STPG2: variants seen among roughly 807,000 people sequenced by gnomAD.
The protein encoded by STPG2 is sperm tail PG-rich repeat containing 2, also known as sperm-tail PG-rich repeat-containing protein 2.
In STPG2, 56 loss-of-function variants were observed where a neutral mutation model predicts 54.2. That is an observed-to-expected ratio of 1.03 (90% CI 0.83 to 1.29). The LOEUF (loss-of-function observed/expected upper bound fraction) is 1.29. Among genes scored for constraint, STPG2 ranks in the 50% most tolerant of loss-of-function variants. STPG2 has a pLI of 0.00. For synonymous variants in STPG2, 200 were observed against 181.8 expected (o/e 1.10, Z -0.81); for missense variants, 596 against 544.9 (o/e 1.09, Z -0.93).
chr4:97,464,870 C>T (rs559117611), intron 4 of STPG2, among the ~76,000 whole-genome samples: 1 of 152,266 alleles, frequency 6.6e-6, no homozygotes, highest in East Asian at 1.9e-4. Context: ...AATTATAGTA[C>T]TCAACACATA....
chr4:97,662,470 T>TAA (rs978151759), intron 10 of STPG2, among the ~76,000 whole-genome samples: 14 of 152,058 alleles, frequency 9.2e-5, no homozygotes, highest in African/African-American at 3.4e-4. Context: ...TCAAAGAAAT[T>TAA]AAAAGAGAAT....
intron 5 of STPG2, among the ~76,000 whole-genome samples, chr4:98,001,184 G>T (rs1735404443): frequency 6.6e-6 from 1 of 152,012 alleles, no homozygotes; most frequent in African/African-American, 2.4e-5. Flanking sequence ...AAGTAAATAT[G>T]AGTAAATGTG....
At chr4:97,607,081 T>C (rs1245190297) in intron 10 of STPG2, among the ~76,000 whole-genome samples, 1 of 152,028 alleles carries the variant, frequency 6.6e-6, no homozygotes, top group Non-Finnish European at 1.5e-5. Context: ...ATAAATAACT[T>C]CATTGAGATT....
At chr4:97,699,819 C>T (rs188424860) in intron 10 of STPG2, among the ~76,000 whole-genome samples, 378 of 152,256 alleles carry the variant, frequency 2.5e-3, no homozygotes, top group African/African-American at 8.7e-3. Flanking sequence ...CTGGAGGAGA[C>T]GAGGCAGTGT....
chr4:98,051,853 G>C (rs1415801891), intron 5 of STPG2, among the ~76,000 whole-genome samples: 1 of 151,850 alleles, frequency 6.6e-6, no homozygotes. Flanking sequence ...CCTCACTTTG[G>C]GAGACAGGTG....
At chr4:98,087,294 G>A (rs1738548370) in intron 5 of STPG2, among the ~76,000 whole-genome samples, 2 of 151,982 alleles carry the variant, frequency 1.3e-5, no homozygotes, top group Non-Finnish European at 2.9e-5. Context: ...AAAACTTCAC[G>A]TTTTCCTGCT....
intron 10 of STPG2, among the ~76,000 whole-genome samples, chr4:97,700,370 A>C (rs1723731129): frequency 6.6e-6 from 1 of 152,198 alleles, no homozygotes; most frequent in Admixed American, 6.5e-5. Flanking sequence ...ATACACCCAA[A>C]TGAGGAATGT....
intron 4 of STPG2, among the ~76,000 whole-genome samples, chr4:97,508,383 T>C (rs1200404060): frequency 6.6e-6 from 1 of 152,088 alleles, no homozygotes; most frequent in Non-Finnish European, 1.5e-5. Flanking sequence ...GCACATTTCA[T>C]ACTACAAAAA....
At chr4:97,888,461 T>A (rs993093544) in intron 8 of STPG2, among the ~76,000 whole-genome samples, 20 of 152,232 alleles carry the variant, frequency 1.3e-4, no homozygotes, top group African/African-American at 3.9e-4. Context: ...GCTTTAAGAT[T>A]CAGTGACTGT....
At position 97,845,351 on chromosome 4, in the gene STPG2, T is replaced by C. The variant is rs181277798; in HGVS notation, c.1045-4419A>G. On this transcript the variant is annotated intron_variant, in intron 8 of 10. Coordinates refer to ENST00000295268, the MANE Select transcript of STPG2 (RefSeq NM_174952.3). ...TTCTGAAATTTTTCATTTAAGCCAT[T>C]TCTCATTTTTTCTTAGTAAGCAACA... is the stretch of plus-strand genomic sequence containing the variant. 2.5e-3 allele frequency among the ~76,000 whole-genome samples: 387 copies of C among 152,234 alleles called. 2 individuals are homozygous for C. Among genetic ancestry groups the C allele is most frequent in the African/African-American group, 8.5e-3 (353 of 41,564 alleles).
At chr4:98,089,489 T>A (rs948918329) in intron 5 of STPG2, among the ~76,000 whole-genome samples, 3 of 152,080 alleles carry the variant, frequency 2.0e-5, no homozygotes, top group Non-Finnish European at 4.4e-5. Context: ...TCTTTGCAAT[T>A]GCGAACTGTG....
At chr4:97,907,836 T>C (rs1406668116) in intron 8 of STPG2, among the ~76,000 whole-genome samples, 1 of 152,184 alleles carries the variant, frequency 6.6e-6, no homozygotes, top group Admixed American at 6.5e-5. Context: ...TGAAACTGGA[T>C]CCCTTCCTTA....
At chr4:97,553,022 T>C (rs762521923) in intron 4 of STPG2, among the ~76,000 whole-genome samples, 13 of 152,098 alleles carry the variant, frequency 8.5e-5, no homozygotes, top group Non-Finnish European at 1.9e-4. Context: ...TTTCCATGGA[T>C]CCTTTTTTCT....
intron 8 of STPG2, among the ~76,000 whole-genome samples, chr4:97,927,217 T>C (rs925771118): frequency 3.9e-5 from 5 of 128,830 alleles, no homozygotes; most frequent in African/African-American, 1.1e-4. Flanking sequence ...CTCAACTCTA[T>C]GTATTATAAC....
At chr4:97,455,357 A>G (rs887788503) in intron 4 of STPG2, among the ~76,000 whole-genome samples, 5 of 152,112 alleles carry the variant, frequency 3.3e-5, no homozygotes, top group Non-Finnish European at 7.4e-5. Context: ...CTGGCCCACC[A>G]TGCCTCCAAC....
chr4:98,056,028 C>T (rs138095873), intron 5 of STPG2, among the ~76,000 whole-genome samples: 12 of 152,280 alleles, frequency 7.9e-5, no homozygotes, highest in East Asian at 5.8e-4. Context: ...CAACTCCCCA[C>T]GTCACTTTGC....
rs139345759 is a variant in STPG2, at chr4:97,481,308, T to C, written c.462+231391A>G. On this transcript the variant is annotated intron_variant, in intron 4 of 4. Coordinates refer to the STPG2 transcript ENST00000522676. ...TATAGAGTATATTCTTGAAATTAAG[T>C]CCTAAATCTTTGGAATTTTATTCAC... is the stretch of plus-strand genomic sequence containing the variant. Among the ~76,000 whole-genome samples, 328 of 151,690 alleles carry C rather than the reference T, an allele frequency of 2.2e-3. 1 individual carries two copies. The highest frequency in any genetic ancestry group is 7.4e-3 in the African/African-American group (307 of 41,520).
chr4:98,051,026 G>T (rs1737304619), intron 5 of STPG2, among the ~76,000 whole-genome samples: 1 of 151,076 alleles, frequency 6.6e-6, no homozygotes, highest in African/African-American at 2.4e-5. Context: ...AAAAAAAAAG[G>T]AAAAAAATTG....
At chr4:97,860,685 G>A (rs1021451332) in intron 8 of STPG2, among the ~76,000 whole-genome samples, 7 of 151,860 alleles carry the variant, frequency 4.6e-5, no homozygotes, top group East Asian at 1.9e-4. Context: ...TGGATGAGTC[G>A]TTGGGGTTTT....
Sources: allele counts gnomAD v4.1 joint callset (sites outside exome capture counted in the v4.1 genomes callset), GRCh38; gene constraint gnomAD v4.1.1; transcripts MANE v1.5; gene names NCBI Gene and HGNC (gene_info 2026-07-23, HGNC 2026-07-21).